The following ORC5 variants were observed in gnomAD, a reference collection of about 807,000 sequenced individuals.
The protein encoded by ORC5 is origin recognition complex subunit 5, also known as protein phosphatase 1, regulatory subunit 117.
A neutral mutation model predicts 58.8 loss-of-function variants in ORC5; 39 were observed. The ratio of observed to expected loss-of-function variants is 0.66; its 90% confidence interval spans 0.51 to 0.87. The LOEUF is 0.87. ORC5 is among the 40% of genes least tolerant of loss of function. The pLI is 0.00. For synonymous variants in ORC5, 218 were observed against 177.6 expected (o/e 1.23, Z -1.81); for missense variants, 493 against 506.3 (o/e 0.97, Z 0.25).
intron 12 of ORC5, 105 bp downstream of exon 12, chr7:104,160,967 C>G: frequency 1.4e-6 from 1 of 696,256 alleles, no homozygotes; most frequent in South Asian, 1.6e-5. Flanking sequence ...ATAGTTAAAA[C>G]AGTAACATAT....
At chr7:104,127,547 T>TTGG (rs202196010) in intron 13 of ORC5, among the ~76,000 whole-genome samples, 1 of 88,098 alleles carries the variant, frequency 1.1e-5, no homozygotes, top group Non-Finnish European at 1.9e-5. Flanking sequence ...ATATTCAGAC[T>TTGG]TGGTTTATTA....
At chr7:104,201,538 C>T (rs1584527065) in intron 2 of ORC5, among the ~76,000 whole-genome samples, 1 of 151,202 alleles carries the variant, frequency 6.6e-6, no homozygotes, top group Middle Eastern at 3.2e-3. Flanking sequence ...AGAAATCAGC[C>T]AGGCATGGTG....
At chr7:104,180,277 T>C (rs1799406784) in intron 8 of ORC5, among the ~76,000 whole-genome samples, 1 of 152,158 alleles carries the variant, frequency 6.6e-6, no homozygotes, top group African/African-American at 2.4e-5. Context: ...CTGCAAGAGG[T>C]TTTTCTTTAC....
At chr7:104,194,561 A>G (rs185534286) in intron 5 of ORC5, among the ~76,000 whole-genome samples, 48 of 152,254 alleles carry the variant, frequency 3.2e-4, no homozygotes, top group African/African-American at 1.1e-3. Context: ...CCCCCAAGAA[A>G]ATAAGAAACA....
chr7:104,160,695 A>G (rs1799007235), intron 12 of ORC5, among the ~76,000 whole-genome samples: 1 of 152,112 alleles, frequency 6.6e-6, no homozygotes, highest in Admixed American at 6.6e-5. Flanking sequence ...GAATAAGAAC[A>G]TTGTAGATTA....
At chr7:104,151,474 T>C (rs1798845742) in intron 12 of ORC5, among the ~76,000 whole-genome samples, 1 of 151,778 alleles carries the variant, frequency 6.6e-6, no homozygotes, top group Non-Finnish European at 1.5e-5. Context: ...GGTTCAGAGA[T>C]AATTTCTCCA....
Position 104,126,800 on chromosome 7 carries a change from C to A in ORC5, c.*48G>T. The A allele has an allele frequency of 7.0e-7, 1 of 1,429,930 alleles. No homozygotes were observed. Among genetic ancestry groups the A allele is most frequent in the African/African-American group, 1.4e-5 (1 of 70,476 alleles). 88.6% of individuals were successfully genotyped at this position (1,429,930 alleles called of 1,614,324 possible). ...CAGCTAAGTAGCTGGATGAACACAG[C>A]TTGGCTTAGTCATTGTCACAGTGTC... On this transcript the variant is annotated 3_prime_UTR_variant, in exon 14 of 14. Transcript: ENST00000297431.
Position 104,207,992 on chromosome 7 carries a change from G to A in ORC5, c.-88C>T, listed in dbSNP as rs1222591274. 3.9e-6 allele frequency: 5 copies of A among 1,289,630 alleles called. No homozygotes were observed. Among genetic ancestry groups the A allele is most frequent in the East Asian group, 2.4e-5 (1 of 42,000 alleles). 79.9% of individuals were successfully genotyped at this position (1,289,630 alleles called of 1,614,324 possible). On this transcript the variant is annotated 5_prime_UTR_variant, in exon 1 of 14. Transcript: ENST00000297431. ...GCCTCTCCCGAGTCTGGCGGCCCAC[G>A]CTCCCGCCGGAAACCGGACCCGCAG... is the stretch of plus-strand genomic sequence containing the variant.
At chr7:104,192,936 AC>A (rs1799708449) in intron 5 of ORC5, among the ~76,000 whole-genome samples, 1 of 152,008 alleles carries the variant, frequency 6.6e-6, no homozygotes, top group African/African-American at 2.4e-5. Context: ...AAACACACAC[AC>A]ACACAGATTT....
chr7:104,129,104 G>A lies in ORC5; in HGVS notation c.1263-2211C>T, dbSNP rs1486913403. On this transcript the variant is annotated intron_variant, in intron 13 of 13. Transcript: ENST00000297431. This position sits in a 1 kb window ranked among gnomAD's most constrained non-coding sequence, Gnocchi z 4.9. ...AAATAATTGCAAGTAAGTTGTGACGGCTGCAGAGAAATGTTTGTCTAATGG... is the reference window on the plus strand; with the variant it reads ...AAATAATTGCAAGTAAGTTGTGACGACTGCAGAGAAATGTTTGTCTAATGG... 6.6e-6 allele frequency among the ~76,000 whole-genome samples: 1 copy of A among 152,092 alleles called. No homozygotes were observed. The highest frequency in any genetic ancestry group is 1.5e-5 in the Non-Finnish European group (1 of 68,004).
rs754559640 is a variant in ORC5 at position 104,197,766 on chromosome 7, C to G, written c.400G>C (p.Glu134Gln). 15 of 1,598,134 alleles carry G rather than the reference C, an allele frequency of 9.4e-6. No individual in the cohort carries two copies. Among genetic ancestry groups the G allele is most frequent in the Middle Eastern group, 1.7e-4 (1 of 6,046 alleles). ...LDKAEYLRDM[E>Q]ANLLPGFLRL... ...AGAAATCCAGGCAAAAGATTTGCTT[C>G]CATATCTCTTAGATACTCTGCTTTA... Residue 134 changes from glutamate to glutamine, a missense_variant, in exon 4 of 14, where the codon GAA (glutamate) becomes CAA (glutamine). This residue lies in a region of ORC5 where 412 missense variants were observed against 403.7 expected (regional missense o/e 1.02). Coordinates refer to ENST00000297431, the MANE Select transcript of ORC5 (RefSeq NM_002553.4).
chr7:104,186,635 A>G (rs1237430334), intron 6 of ORC5, among the ~76,000 whole-genome samples: 1 of 152,164 alleles, frequency 6.6e-6, no homozygotes, highest in Non-Finnish European at 1.5e-5. Flanking sequence ...CCCTGAAAAG[A>G]ATATTTTTCA....
At chr7:104,127,234 A>G (rs1798443358) in intron 13 of ORC5, among the ~76,000 whole-genome samples, 1 of 152,252 alleles carries the variant, frequency 6.6e-6, no homozygotes, top group South Asian at 2.1e-4. Flanking sequence ...TAAAGTAATT[A>G]GAGATTCAAA....
intron 12 of ORC5, among the ~76,000 whole-genome samples, chr7:104,151,994 T>C (rs901062077): frequency 1.3e-5 from 2 of 152,166 alleles, no homozygotes; most frequent in Non-Finnish European, 2.9e-5. Context: ...AAGAGTCTTC[T>C]CTGAAGCACC....
chr7:104,208,012 C>G lies in ORC5; in HGVS notation c.-108G>C. 1 of 1,076,602 alleles carries G rather than the reference C, an allele frequency of 9.3e-7. No individual in the cohort carries two copies. The highest frequency in any genetic ancestry group is 1.4e-5 in the South Asian group (1 of 73,954). 66.7% of individuals were successfully genotyped at this position (1,076,602 alleles called of 1,614,324 possible). A position where few individuals can be genotyped will look rare whatever the true frequency, so the allele number is the denominator to read the frequency against. On this transcript the variant is annotated 5_prime_UTR_variant, in exon 1 of 14. Coordinates refer to ENST00000297431, the MANE Select transcript of ORC5 (RefSeq NM_002553.4). ...CCCACGCTCCCGCCGGAAACCGGAC[C>G]CGCAGCGTCGTGGGAGGAGCCTGCG...
intron 11 of ORC5, among the ~76,000 whole-genome samples, chr7:104,162,490 C>T (rs1184109670): frequency 3.3e-5 from 5 of 152,082 alleles, no homozygotes; most frequent in Admixed American, 3.3e-4. Context: ...TTAGCAATGG[C>T]AAATAAAATT....
intron 3 of ORC5, among the ~76,000 whole-genome samples, chr7:104,199,165 C>T (rs766680660): frequency 1.8e-5 from 1 of 54,072 alleles, no homozygotes; most frequent in Admixed American, 2.3e-4. Context: ...TTGGACCCCC[C>T]CTACAGAGTC....
intron 8 of ORC5, among the ~76,000 whole-genome samples, chr7:104,178,164 T>C (rs1301920394): frequency 6.6e-6 from 1 of 152,214 alleles, no homozygotes; most frequent in African/African-American, 2.4e-5. Context: ...TCACAATGGT[T>C]GAACTAATTT....
chr7:104,156,068 T>C (rs938175158), intron 12 of ORC5, among the ~76,000 whole-genome samples: 3 of 151,632 alleles, frequency 2.0e-5, no homozygotes, highest in Non-Finnish European at 4.4e-5. Flanking sequence ...TATCTTATGA[T>C]GAGAGCAGAA....
Sources: allele counts gnomAD v4.1 joint callset (sites outside exome capture counted in the v4.1 genomes callset), GRCh38; gene constraint gnomAD v4.1.1; regional missense constraint gnomAD v4.1.1; non-coding constraint Gnocchi (gnomAD v3.1); transcripts MANE v1.5; gene names NCBI Gene and HGNC (gene_info 2026-07-23, HGNC 2026-07-21).